Variants in RARB observed in about 807,000 individuals in gnomAD.
The protein encoded by RARB is HBV-activated protein.
Under a neutral mutation model 51.9 loss-of-function variants are expected in RARB, and 17 were observed. The observed-to-expected ratio is 0.33, with a 90% CI of 0.22 to 0.49. The LOEUF is 0.49. Ranked by LOEUF, RARB falls within the 20% of genes least tolerant of loss-of-function variation. The pLI, the probability that RARB is intolerant of heterozygous loss-of-function variation, is 0.99. For missense variants in RARB, 369 were observed against 550.8 expected (o/e 0.67, Z 3.30); for synonymous variants, 215 against 195.4 (o/e 1.10, Z -0.84).
chr3:24,864,979 C>T (rs978869371), intron 2 of RARB, among the ~76,000 whole-genome samples: 2 of 152,160 alleles, frequency 1.3e-5, no homozygotes, highest in East Asian at 1.9e-4. Flanking sequence ...TATTGTCATT[C>T]GCTTTCCTCT....
chr3:25,258,350 G>T (rs1162005006), intron 5 of RARB, among the ~76,000 whole-genome samples: 1 of 152,144 alleles, frequency 6.6e-6, no homozygotes, highest in Non-Finnish European at 1.5e-5. Context: ...TGTGATAGTT[G>T]TATGTTGTTT....
At chr3:25,106,326 A>C (rs1053234111) in intron 3 of RARB, among the ~76,000 whole-genome samples, 1 of 148,414 alleles carries the variant, frequency 6.7e-6, no homozygotes, top group Non-Finnish European at 1.5e-5. Context: ...CCCAGGCTGG[A>C]GTGCAGTGGT....
intron 5 of RARB, among the ~76,000 whole-genome samples, chr3:25,211,134 A>G (rs953627475): frequency 3.9e-5 from 6 of 152,196 alleles, no homozygotes; most frequent in Admixed American, 2.0e-4. Flanking sequence ...CATCAGATCA[A>G]TTGATATTAT....
At chr3:25,029,659 C>T (rs1279480137) in intron 2 of RARB, among the ~76,000 whole-genome samples, 1 of 152,148 alleles carries the variant, frequency 6.6e-6, no homozygotes, top group Non-Finnish European at 1.5e-5. Flanking sequence ...CCTGAAGCAC[C>T]ATTTAGCACT....
At chr3:25,002,650 T>A (rs1274546261) in intron 2 of RARB, among the ~76,000 whole-genome samples, 1 of 152,182 alleles carries the variant, frequency 6.6e-6, no homozygotes, top group Non-Finnish European at 1.5e-5. Context: ...CAGCTTTTTC[T>A]ATGCTACATA....
chr3:25,122,423 T>C (rs973897047), intron 3 of RARB, among the ~76,000 whole-genome samples: 1 of 152,082 alleles, frequency 6.6e-6, no homozygotes, highest in African/African-American at 2.4e-5. Flanking sequence ...TCTTTTGGCC[T>C]AGGGGTACTG....
In RARB at chr3:25,511,969, G is replaced by A. The variant is rs189267927; in HGVS notation, c.448+10646G>A. Among the ~76,000 whole-genome samples the A allele has an allele frequency of 3.9e-5, 6 of 152,290 alleles. No homozygotes were observed. The South Asian group carries it at 8.3e-4, about 21-fold the overall frequency. On this transcript the variant is annotated intron_variant, in intron 3 of 7. Transcript: ENST00000330688. ...GCTGCTTAAAGCCTGGACTTAAGGG[G>A]GAGTCAGATTCATACCCCAGCCCAC...
intron 3 of RARB, among the ~76,000 whole-genome samples, chr3:25,085,410 A>C (rs1699087255): frequency 1.3e-5 from 2 of 152,090 alleles, no homozygotes; most frequent in South Asian, 4.1e-4. Context: ...CATTCTTCAA[A>C]GATTTTCCAG....
intron 5 of RARB, among the ~76,000 whole-genome samples, chr3:25,417,557 T>C (rs1225558954): frequency 2.6e-5 from 4 of 152,180 alleles, no homozygotes; most frequent in Non-Finnish European, 5.9e-5. Flanking sequence ...CTCTCTTCTC[T>C]TGTCTGCCAC....
At chr3:25,252,364 A>G (rs1328400756) in intron 5 of RARB, among the ~76,000 whole-genome samples, 1 of 152,156 alleles carries the variant, frequency 6.6e-6, no homozygotes, top group East Asian at 1.9e-4. Flanking sequence ...TTTTAGGATC[A>G]GCTTGTCAAT....
intron 2 of RARB, among the ~76,000 whole-genome samples, chr3:25,500,582 C>G (rs1287541358): frequency 6.6e-6 from 1 of 150,898 alleles, no homozygotes; most frequent in Non-Finnish European, 1.5e-5. Context: ...CAGGTTCACG[C>G]AATTCTCCTG....
At chr3:24,996,730 A>G (rs1192405546) in intron 2 of RARB, among the ~76,000 whole-genome samples, 1 of 151,824 alleles carries the variant, frequency 6.6e-6, no homozygotes, top group Non-Finnish European at 1.5e-5. Flanking sequence ...TCAGAAGCAT[A>G]TTGTTTAATT....
At chr3:25,027,644 T>A (rs1697777927) in intron 2 of RARB, among the ~76,000 whole-genome samples, 1 of 151,968 alleles carries the variant, frequency 6.6e-6, no homozygotes, top group Non-Finnish European at 1.5e-5. Flanking sequence ...CTGTTGACAC[T>A]AATATATAGT....
intron 3 of RARB, among the ~76,000 whole-genome samples, chr3:25,076,146 A>ATTT (rs34420684): frequency 5.5e-5 from 8 of 146,266 alleles, no homozygotes; most frequent in Non-Finnish European, 1.2e-4. Flanking sequence ...GCAGTTATTT[A>ATTT]TTTTTTTTTT....
At chr3:24,942,021 T>C (rs1559405233) in intron 2 of RARB, among the ~76,000 whole-genome samples, 1 of 152,234 alleles carries the variant, frequency 6.6e-6, no homozygotes, top group Non-Finnish European at 1.5e-5. Context: ...ACAGAAATGA[T>C]TTGGCCATAT....
intron 3 of RARB, among the ~76,000 whole-genome samples, chr3:25,103,941 T>A (rs1699451736): frequency 6.6e-6 from 1 of 152,166 alleles, no homozygotes; most frequent in Non-Finnish European, 1.5e-5. Context: ...TTGGGAAGGA[T>A]TCTGAAGCTG....
intron 3 of RARB, among the ~76,000 whole-genome samples, chr3:25,116,311 G>A (rs1699686286): frequency 6.6e-6 from 1 of 152,090 alleles, no homozygotes; most frequent in Non-Finnish European, 1.5e-5. Flanking sequence ...AGTTTAAAAT[G>A]TGTGTTTTAG....
At chr3:25,342,091 G>C (rs1051821435) in intron 5 of RARB, among the ~76,000 whole-genome samples, 2 of 152,100 alleles carry the variant, frequency 1.3e-5, no homozygotes, top group Non-Finnish European at 2.9e-5. Flanking sequence ...CTGAATGAAT[G>C]AATCCATCAA....
chr3:25,457,847 C>T (rs1451326912), intron 1 of RARB, among the ~76,000 whole-genome samples: 1 of 152,194 alleles, frequency 6.6e-6, no homozygotes, highest in Admixed American at 6.5e-5. Context: ...AGCTGTTCTA[C>T]ACGAACGAGT....
Sources: gnomAD v4.1 joint callset for allele counts (sites outside exome capture counted in the v4.1 genomes callset) on GRCh38, gnomAD v4.1.1 for gene constraint, MANE v1.5 for transcripts, NCBI Gene and HGNC (gene_info 2026-07-23, HGNC 2026-07-21) for gene names.